The following DAB2IP variants were observed in gnomAD, a reference collection of about 807,000 sequenced individuals.
DAB2IP encodes the protein DAB2 interacting protein, also known as disabled homolog 2-interacting protein.
In DAB2IP, 28 loss-of-function variants were observed where a neutral mutation model predicts 107.2. The observed-to-expected ratio is 0.26, with a 90% confidence interval of 0.19 to 0.36. The LOEUF (loss-of-function observed/expected upper bound fraction) is 0.36. Ranked by LOEUF, DAB2IP falls within the 10% of genes least tolerant of loss-of-function variation. The probability of loss-of-function intolerance (pLI) is 1.00; values close to 1 mark genes in which losing one functional copy is unlikely to be tolerated. For synonymous variants in DAB2IP, 755 were observed against 706.4 expected, an observed-to-expected ratio of 1.07 and a Z score of -1.09; for missense variants, 1,400 against 1,644.7, an observed-to-expected ratio of 0.85 and a Z score of 2.57.
chr9:121,642,054 T>TCTTTCTTTCTTA, intron 1 of DAB2IP, among the ~76,000 whole-genome samples: 1 of 50,332 alleles, frequency 2.0e-5, no homozygotes, highest in Non-Finnish European at 3.4e-5. Flanking sequence ...TTTCTTTCTT[T>TCTTTCTTTCTTA]CTTTCTTTCT....
chr9:121,728,986 A>G (rs962431341), intron 3 of DAB2IP, among the ~76,000 whole-genome samples: 8 of 152,192 alleles, frequency 5.3e-5, no homozygotes, highest in Non-Finnish European at 7.3e-5. Flanking sequence ...TAATCACCCA[A>G]TCATAATTCT....
At chr9:121,626,196 G>A (rs936798686) in intron 1 of DAB2IP, among the ~76,000 whole-genome samples, 2 of 152,038 alleles carry the variant, frequency 1.3e-5, no homozygotes, top group Non-Finnish European at 2.9e-5. Context: ...GGCATCCAGT[G>A]ACTTGGCACA....
intron 3 of DAB2IP, among the ~76,000 whole-genome samples, chr9:121,752,502 A>G (rs947808123): frequency 6.6e-6 from 1 of 152,184 alleles, no homozygotes; most frequent in African/African-American, 2.4e-5. Context: ...CAGCCTGGAT[A>G]TGGCTGTCTG....
intron 1 of DAB2IP, among the ~76,000 whole-genome samples, chr9:121,675,851 G>A (rs1480820093): frequency 6.6e-6 from 1 of 152,206 alleles, no homozygotes; most frequent in African/African-American, 2.4e-5. Context: ...TGCTCCAGGT[G>A]GGTGGTGCGA....
At chr9:121,636,577 C>G (rs1832095786) in intron 1 of DAB2IP, among the ~76,000 whole-genome samples, 1 of 152,162 alleles carries the variant, frequency 6.6e-6, no homozygotes, top group Non-Finnish European at 1.5e-5. Flanking sequence ...CTCTCGGGAG[C>G]AGGAGGGCCG....
intron 14 of DAB2IP, among the ~76,000 whole-genome samples, chr9:121,778,687 A>G (rs941597319): frequency 2.0e-5 from 3 of 152,224 alleles, no homozygotes; most frequent in Non-Finnish European, 4.4e-5. Flanking sequence ...TTTGTAGGCC[A>G]TATGGTCTCT....
At chr9:121,661,498 C>T (rs1392459821) in intron 1 of DAB2IP, among the ~76,000 whole-genome samples, 1 of 152,086 alleles carries the variant, frequency 6.6e-6, no homozygotes, top group Non-Finnish European at 1.5e-5. Context: ...TGTGGCCCCC[C>T]TCCCCCACTT....
intron 3 of DAB2IP, among the ~76,000 whole-genome samples, chr9:121,741,777 C>T (rs982953974): frequency 6.6e-6 from 1 of 151,010 alleles, no homozygotes. Context: ...GCTTCCTTCA[C>T]CCCAGCTGAA....
rs75732590 is a variant in DAB2IP at position 121,689,762 on chromosome 9, C to A, written c.229-9563C>A. Among the ~76,000 whole-genome samples the A allele has an allele frequency of 5.0e-3, 760 of 152,348 alleles. 11 individuals are homozygous for A. Among genetic ancestry groups the A allele is most frequent in the African/African-American group, 0.018 (732 of 41,576 alleles). On this transcript the variant is annotated intron_variant, in intron 2 of 15. Coordinates refer to ENST00000408936, the Ensembl canonical transcript of DAB2IP. ...CCATTTGTCCCCGGGAGACTCCCCC[C>A]CCATGTGTTGTCACCTGCAAATGGG...
chr9:121,773,150 T>G, exon 12 of DAB2IP: 1 of 1,609,620 alleles, frequency 6.2e-7, no homozygotes, highest in South Asian at 1.1e-5. Context: ...AGCTGGGAAG[T>G]TTCAGCACTG....
At chr9:121,682,069 G>T (rs1170014929) in intron 2 of DAB2IP, among the ~76,000 whole-genome samples, 2 of 152,214 alleles carry the variant, frequency 1.3e-5, no homozygotes, top group East Asian at 1.9e-4. Context: ...TTGGGGGAAG[G>T]TCAGTGGTGA....
Position 121,651,755 on chromosome 9 carries a change from C to T in DAB2IP, c.-21C>T, listed in dbSNP as rs1395560397. The T allele has an allele frequency of 2.3e-6, 3 of 1,324,098 alleles. No homozygotes were observed. The highest frequency in any genetic ancestry group is 3.2e-5 in the East Asian group (1 of 31,496). 82.0% of individuals were successfully genotyped at this position (1,324,098 alleles called of 1,614,324 possible). On this transcript the variant is annotated 5_prime_UTR_variant, in exon 1 of 16. Coordinates refer to ENST00000408936, the Ensembl canonical transcript of DAB2IP. The surrounding 1 kb of genome is among the most constrained non-coding windows in gnomAD (Gnocchi z 5.1). ...CGTGTGAGCGCGCCCAGGCCCGGCC[C>T]GGTGCCCGGCGGGCGGCAGCATGTC... is the stretch of plus-strand genomic sequence containing the variant.
intron 2 of DAB2IP, among the ~76,000 whole-genome samples, chr9:121,690,403 G>T (rs1477005316): frequency 6.6e-6 from 1 of 152,124 alleles, no homozygotes; most frequent in African/African-American, 2.4e-5. Flanking sequence ...CTTCCTTGCA[G>T]CCACGAGGCC....
chr9:121,719,389 G>C (rs116508465), intron 3 of DAB2IP, among the ~76,000 whole-genome samples: 1,962 of 152,252 alleles, frequency 0.013, 51 homozygotes, highest in African/African-American at 0.044. Context: ...AAAGAGGATG[G>C]GTTCATCACA....
In DAB2IP at chr9:121,759,070, A is replaced by G. The variant is rs962594993; in HGVS notation, c.615+74A>G. 195 of 1,451,420 alleles carry G rather than the reference A, an allele frequency of 1.3e-4. 2 individuals carry two copies. The Admixed American group carries it at 3.2e-3, about 24-fold the overall frequency. The allele number at this position is 1,451,420 out of a possible 1,614,324, so 89.9% of individuals were successfully genotyped here. ...CAGATAGGAGGAAACAAGAGAGACT[A>G]TCTCTGTGGTGTGGGCTGGGATTGG... On this transcript the variant is annotated intron_variant, in intron 5 of 15. Transcript: ENST00000408936.
chr9:121,694,315 C>T (rs551167141), intron 2 of DAB2IP, among the ~76,000 whole-genome samples: 17 of 152,170 alleles, frequency 1.1e-4, no homozygotes, highest in Non-Finnish European at 2.4e-4. Flanking sequence ...CATTCCCCCA[C>T]CCGGAAATCC....
Position 121,782,833 on chromosome 9 carries a change from G to T in DAB2IP, c.*335G>T. 8.9e-7 allele frequency: 1 copy of T among 1,122,122 alleles called. No homozygotes were observed. Among genetic ancestry groups the T allele is most frequent in the Non-Finnish European group, 1.1e-6 (1 of 914,640 alleles). The allele number at this position is 1,122,122 out of a possible 1,614,324, so 69.5% of individuals were successfully genotyped here. On this transcript the variant is annotated 3_prime_UTR_variant, in exon 16 of 16. Transcript: ENST00000408936. This position sits in a 1 kb window ranked among gnomAD's most constrained non-coding sequence, Gnocchi z 6.1. ...TGTCCTTGTCCTCCTGGATCTGGCC[G>T]AGTGCATGTGTCCCCCCACACCTGT... is the stretch of plus-strand genomic sequence containing the variant.
At chr9:121,715,387 G>C (rs1371293773) in intron 3 of DAB2IP, among the ~76,000 whole-genome samples, 1 of 148,098 alleles carries the variant, frequency 6.8e-6, no homozygotes, top group Non-Finnish European at 1.5e-5. Flanking sequence ...TTTCTCGGTA[G>C]CCCAGGCTGG....
exon 13 of DAB2IP, chr9:121,774,293 C>T (rs760472375): frequency 8.7e-6 from 14 of 1,613,294 alleles, no homozygotes; most frequent in Admixed American, 3.3e-5. Context: ...TGCCCTGGAC[C>T]GCACAGCCGC....
Sources: gnomAD v4.1 joint callset for allele counts (sites outside exome capture counted in the v4.1 genomes callset) on GRCh38, gnomAD v4.1.1 for gene constraint, Gnocchi (gnomAD v3.1) non-coding constraint, MANE v1.5 for transcripts, NCBI Gene and HGNC (gene_info 2026-07-23, HGNC 2026-07-21) for gene names.